Variants in TNXB observed in about 807,000 individuals in gnomAD.
TNXB encodes tenascin-X.
A neutral mutation model predicts 340.5 loss-of-function variants in TNXB; 183 were observed. The ratio of observed to expected loss-of-function variants is 0.54; its 90% CI spans 0.48 to 0.61. The LOEUF (loss-of-function observed/expected upper bound fraction) is 0.61. TNXB is among the 20% of genes least tolerant of loss of function. The pLI, the probability that TNXB is intolerant of heterozygous loss-of-function variation, is 0.00. For missense variants in TNXB, 4,613 were observed against 5,446.4 expected (o/e 0.85, Z 4.82); for synonymous variants, 2,121 against 2,314.5 (o/e 0.92, Z 2.40).
At position 32,070,234 on chromosome 6, in the gene TNXB, C is replaced by T. The variant is rs371138982; in HGVS notation, c.5171G>A (p.Arg1724His). 9.9e-6 allele frequency: 16 copies of T among 1,612,656 alleles called. No homozygotes were observed. Among genetic ancestry groups the T allele is most frequent in the African/African-American group, 9.3e-5 (7 of 74,870 alleles). The change falls in exon 14 of 44, where the codon CGC (arginine) becomes CAC (histidine). Residue 1724 changes from arginine to histidine, a missense_variant. Physicochemically the swap from Arg to His is conservative, Grantham distance 29. This residue lies in a region of TNXB where 4,327 missense variants were observed against 4,859.4 expected (regional missense o/e 0.89). Coordinates refer to ENST00000644971, the MANE Select transcript of TNXB (RefSeq NM_001365276.2). This position sits in a 1 kb window ranked among gnomAD's most constrained non-coding sequence, Gnocchi z 6.0. The stretch of plus-strand genomic sequence containing the variant: ...ATCCAGAGGGGTGACAGTGACAGAG[C>T]GCTCATGGCCCTCCACGGGCACCAC... ...PQVVPVEGHE[R>H]SVTVTPLDAG...
In TNXB at chr6:32,086,014, C is replaced by A; in HGVS notation, c.2884G>T (p.Glu962Ter). The change falls in exon 7 of 44, where the codon GAG (glutamate) becomes TAG (stop). Residue 962 changes from glutamate to a stop codon, truncating the protein, a stop_gained. Transcript: ENST00000644971. LOFTEE classifies it high-confidence loss of function. ...CCCAGCACCCTCAACTCTCCCAGCTCCTGGGGGCGCTGCTGCAGGAGAGGA... is the reference window on the plus strand; with the variant it reads ...CCCAGCACCCTCAACTCTCCCAGCTACTGGGGGCGCTGCTGCAGGAGAGGA... ...QAPLLQQRPQ[E>*]LGELRVLGRD... is the part of the protein sequence containing the mutation. 6.2e-7 allele frequency: 1 copy of A among 1,606,412 alleles called. No individual in the cohort carries two copies.
rs372158274 is a variant in TNXB, at chr6:32,096,247, C to T, written c.1606G>A (p.Gly536Ser). The T allele has an allele frequency of 4.5e-6, 7 of 1,568,152 alleles. No homozygotes were observed. The highest frequency in any genetic ancestry group is 4.7e-5 in the East Asian group (2 of 42,320). ...RRCPGDCRGHGLCEDGVCVCD... is the reference protein window; with the variant it reads ...RRCPGDCRGHSLCEDGVCVCD... ...ACGCACACGCCATCCTCGCAAAGGC[C>T]GTGCCCACGGCAGTCCCCGGGACAG... is the stretch of plus-strand genomic sequence containing the variant. The change falls in exon 3 of 44, where the codon GGC becomes AGC. Residue 536 changes from glycine (G) to serine (S), a missense_variant. Around this residue, in one of 7 missense-constraint regions of TNXB, gnomAD observed 4,327 missense variants for 4,859.4 expected, o/e 0.89. Transcript: ENST00000644971.
chr6:32,070,650 C>A lies in TNXB; in HGVS notation c.4991-236G>T, dbSNP rs1476094044. On this transcript the variant is annotated intron_variant, in intron 13 of 43. Coordinates refer to ENST00000644971, the MANE Select transcript of TNXB (RefSeq NM_001365276.2). This position sits in a 1 kb window ranked among gnomAD's most constrained non-coding sequence, Gnocchi z 6.0. ...GGAAAAGAGATTCCCTAGCTCCCTG[C>A]CTCATCTTACTCCCCTTTCTGTCCA... Among the ~76,000 whole-genome samples, 1 of 152,182 alleles carries A rather than the reference C, an allele frequency of 6.6e-6. No individual in the cohort carries two copies. Among genetic ancestry groups the A allele is most frequent in the Non-Finnish European group, 1.5e-5 (1 of 68,028 alleles).
In TNXB at chr6:32,048,006, T is replaced by A. The variant is rs1288711313; in HGVS notation, c.10052A>T (p.Asp3351Val). 1.9e-6 allele frequency: 3 copies of A among 1,602,678 alleles called. No homozygotes were observed. The East Asian group carries it at 6.7e-5, about 36-fold the overall frequency. ...PVPVEARTAP[D>V]TKPSPRLGEL... ...CCCCAGGCGGGGAGACGGTTTGGTG[T>A]CTGGGGCTGGAAAAGACAGTGAGGT... Residue 3351 changes from aspartate to valine, a missense_variant, in exon 30 of 44, where the codon GAC becomes GTC. Asp to Val is a radical substitution (Grantham distance 152). This residue lies in a region of TNXB where 4,327 missense variants were observed against 4,859.4 expected (regional missense o/e 0.89). Transcript: ENST00000644971.
In TNXB at chr6:32,075,188, C is replaced by A. The variant is rs994227252; in HGVS notation, c.4376-1236G>T. Reference sequence around the variant, plus strand: ...AGGTCATCGCCTTCTGCCCTCACCCCCCTTTAGTCTGTTGGGTCTGCAGCC... The same window carrying A: ...AGGTCATCGCCTTCTGCCCTCACCCACCTTTAGTCTGTTGGGTCTGCAGCC... On this transcript the variant is annotated intron_variant, in intron 11 of 43. Coordinates refer to ENST00000644971, the MANE Select transcript of TNXB (RefSeq NM_001365276.2). This position sits in a 1 kb window ranked among gnomAD's most constrained non-coding sequence, Gnocchi z 4.6. Among the ~76,000 whole-genome samples, 1 of 152,358 alleles carries A rather than the reference C, an allele frequency of 6.6e-6. No homozygotes were observed. The highest frequency in any genetic ancestry group is 6.5e-5 in the Admixed American group (1 of 15,308).
intron 26 of TNXB, among the ~76,000 whole-genome samples, chr6:32,050,856 C>T (rs1445489288): frequency 1.3e-5 from 2 of 152,158 alleles, no homozygotes; most frequent in Non-Finnish European, 2.9e-5. Context: ...CCACCAACTG[C>T]CTATTGGCTT....
Position 32,067,132 on chromosome 6 carries a change from G to GAAGGAAGGAAGGAAGAAAGAAAGAAAGA in TNXB, c.6544+528_6544+529insTCTTTCTTTCTTTCTTCCTTCCTTCCTT, listed in dbSNP as rs878879249. On this transcript the variant is annotated intron_variant, in intron 18 of 43. Coordinates refer to ENST00000644971, the MANE Select transcript of TNXB (RefSeq NM_001365276.2). The surrounding 1 kb of genome is among the most constrained non-coding windows in gnomAD (Gnocchi z 4.2). Reference sequence around the variant, plus strand: ...AAGAAAGAGAAAGAAAGAAAGGAAGGAAGAAAGAAAGAAAGAAAGAAAGAA... The same window carrying GAAGGAAGGAAGGAAGAAAGAAAGAAAGA: ...AAGAAAGAGAAAGAAAGAAAGGAAGGAAGGAAGGAAGGAAGAAAGAAAGAAAGAAAGAAAGAAAGAAAGAAAGAAAGAA... Among the ~76,000 whole-genome samples, 12 of 118,074 alleles carry GAAGGAAGGAAGGAAGAAAGAAAGAAAGA rather than the reference G, an allele frequency of 1.0e-4. No individual in the cohort carries two copies. Among genetic ancestry groups the GAAGGAAGGAAGGAAGAAAGAAAGAAAGA allele is most frequent in the African/African-American group, 3.6e-4 (11 of 30,500 alleles). 77.5% of individuals were successfully genotyped at this position (118,074 alleles called of 152,430 possible). A position where few individuals can be genotyped will look rare whatever the true frequency, so the allele number is the denominator to read the frequency against.
chr6:32,100,624 G>A (rs947941584), intron 1 of TNXB, among the ~76,000 whole-genome samples: 1 of 152,110 alleles, frequency 6.6e-6, no homozygotes, highest in Admixed American at 6.6e-5. Context: ...CTACTCAGGG[G>A]CTGAGGTGGG....
Position 32,042,529 on chromosome 6 carries a change from T to C in TNXB, c.12136A>G (p.Ile4046Val). 1.9e-6 allele frequency: 3 copies of C among 1,612,244 alleles called. No individual in the cohort carries two copies. The highest frequency in any genetic ancestry group is 2.5e-6 in the Non-Finnish European group (3 of 1,179,932). Residue 4046 changes from isoleucine to valine, a missense_variant, in exon 40 of 44, where the codon ATC becomes GTC. Ile to Val is a conservative substitution (Grantham distance 29, BLOSUM62 3). Around this residue, in one of 7 missense-constraint regions of TNXB, gnomAD observed 121 missense variants for 177.4 expected, o/e 0.68. Coordinates refer to ENST00000644971, the MANE Select transcript of TNXB (RefSeq NM_001365276.2). ...CGCTCGCGGTTGCCGTTGAGGAAGA[T>C]GGTGCTGGTCCTGGAGGCACCGGCT... ...NGAGASRTSTIFLNGNRERPL... is the reference protein window; with the variant it reads ...NGAGASRTSTVFLNGNRERPL...
Position 32,072,830 on chromosome 6 carries a change from A to C in TNXB, c.4682-532T>G, listed in dbSNP as rs1479311903. ...GCTGGGTGTGGTGGCACGTGCCCGT[A>C]ATCCCAGTTACTCGGGAGGCTGAGG... On this transcript the variant is annotated intron_variant, in intron 12 of 43. Transcript: ENST00000644971. This position sits in a 1 kb window ranked among gnomAD's most constrained non-coding sequence, Gnocchi z 4.4. Among the ~76,000 whole-genome samples the C allele has an allele frequency of 6.6e-6, 1 of 152,218 alleles. No homozygotes were observed. Among genetic ancestry groups the C allele is most frequent in the Non-Finnish European group, 1.5e-5 (1 of 68,040 alleles).
rs1778558800 is a variant in TNXB at position 32,068,696 on chromosome 6, C to T, written c.5914G>A (p.Glu1972Lys). 6.2e-6 allele frequency: 10 copies of T among 1,613,444 alleles called. No individual in the cohort carries two copies. The highest frequency in any genetic ancestry group is 1.3e-5 in the African/African-American group (1 of 75,040). ...GCGGTGGGAGGTTCTGAAGGCTTCT[C>T]CTCCTCCGGGACTGGACAGAGACAT... ...HVEALTVPEEEKPSEPPTATP... is the reference protein window; with the variant it reads ...HVEALTVPEEKKPSEPPTATP... The change falls in exon 17 of 44, where the codon GAG (glutamate) becomes AAG (lysine). Residue 1972 changes from glutamate (E) to lysine (K), a missense_variant. By Grantham distance (56) the Glu-to-Lys change is moderately conservative. Coordinates refer to ENST00000644971, the MANE Select transcript of TNXB (RefSeq NM_001365276.2). The surrounding 1 kb of genome is among the most constrained non-coding windows in gnomAD (Gnocchi z 5.3).
In TNXB at chr6:32,056,001, T is replaced by C. The variant is rs572852092; in HGVS notation, c.8317A>G (p.Arg2773Gly). 1.2e-6 allele frequency: 2 copies of C among 1,613,280 alleles called. No individual in the cohort carries two copies. The highest frequency in any genetic ancestry group is 2.2e-5 in the East Asian group (1 of 44,866). The change falls in exon 24 of 44, where the codon AGG becomes GGG. Residue 2773 changes from arginine to glycine, a missense_variant. Around this residue, in one of 7 missense-constraint regions of TNXB, gnomAD observed 4,327 missense variants for 4,859.4 expected, o/e 0.89. Coordinates refer to ENST00000644971, the MANE Select transcript of TNXB (RefSeq NM_001365276.2). ...FDSFTVQYKD[R>G]DGRPQVMRVR... Reference sequence around the variant, plus strand: ...CGCATCACCTGGGGCCGCCCGTCCCTGTCCTTGTACTGCACGGTGAAGGAG... The same window carrying C: ...CGCATCACCTGGGGCCGCCCGTCCCCGTCCTTGTACTGCACGGTGAAGGAG...
chr6:32,103,478 C>A (rs539365087), intron 1 of TNXB, among the ~76,000 whole-genome samples: 1 of 151,248 alleles, frequency 6.6e-6, no homozygotes, highest in East Asian at 1.9e-4. Flanking sequence ...CAATCTCACA[C>A]CCCCTCCAGC....
At chr6:32,088,161 C>G (rs1330906929) in intron 6 of TNXB, among the ~76,000 whole-genome samples, 2 of 152,190 alleles carry the variant, frequency 1.3e-5, no homozygotes, top group African/African-American at 4.8e-5. Flanking sequence ...TCCCGCAGCC[C>G]CCCCATTCCC....
chr6:32,094,453 T>C (rs958156090), intron 4 of TNXB, among the ~76,000 whole-genome samples: 20 of 152,298 alleles, frequency 1.3e-4, no homozygotes, highest in African/African-American at 4.8e-4. Flanking sequence ...GCTGCCTGCT[T>C]GTGTGACTAC....
chr6:32,079,093 G>A lies in TNXB; in HGVS notation c.4315C>T (p.His1439Tyr), dbSNP rs767222442. 1 of 1,613,668 alleles carries A rather than the reference G, an allele frequency of 6.2e-7. No individual in the cohort carries two copies. ...TGCCCCTCGTGGAGGCCGTACAGGT[G>A]CATCTTGTACTTGTGCCCGGGCTCT... is the stretch of plus-strand genomic sequence containing the variant. ...GLEPGHKYKM[H>Y]LYGLHEGQRV... The change falls in exon 11 of 44, where the codon CAC (histidine) becomes TAC (tyrosine). Residue 1439 changes from histidine to tyrosine, a missense_variant. Around this residue, in one of 7 missense-constraint regions of TNXB, gnomAD observed 4,327 missense variants for 4,859.4 expected, o/e 0.89. Transcript: ENST00000644971. The surrounding 1 kb of genome is among the most constrained non-coding windows in gnomAD (Gnocchi z 7.1).
Position 32,065,083 on chromosome 6 carries a change from T to C in TNXB, c.6579A>G (p.Ala2193=). The change falls in exon 19 of 44, where the codon GCA becomes GCG. Residue 2193 remains alanine, a synonymous_variant. Coordinates refer to ENST00000644971, the MANE Select transcript of TNXB (RefSeq NM_001365276.2). ...CTGTCATCTGCCCTAGGCGCAGCTT[T>C]GCAAGAGGAGCATCAGGGGACTCCT... The part of the protein sequence containing the change: ...PEEESPDAPL[A]KLRLGQMTVR... The C allele has an allele frequency of 6.3e-7, 1 of 1,592,770 alleles. No individual in the cohort carries two copies. The highest frequency in any genetic ancestry group is 1.1e-5 in the South Asian group (1 of 87,960).
chr6:32,053,222 C>G (rs1777403142), intron 25 of TNXB, among the ~76,000 whole-genome samples, 166 bp downstream of exon 25: 2 of 152,116 alleles, frequency 1.3e-5, no homozygotes, highest in Admixed American at 6.5e-5. Context: ...TCACAGGGCC[C>G]TTCTCCACCC....
Position 32,064,763 on chromosome 6 carries a change from A to G in TNXB, c.6841+58T>C. 1 of 1,574,778 alleles carries G rather than the reference A, an allele frequency of 6.4e-7. No homozygotes were observed. Among genetic ancestry groups the G allele is most frequent in the Non-Finnish European group, 8.6e-7 (1 of 1,159,914 alleles). Reference sequence around the variant, plus strand: ...AAAATAAAGCCACCAGATACTGACAATAAAAGGGAAACTGAGTCTAGTTCA... The same window carrying G: ...AAAATAAAGCCACCAGATACTGACAGTAAAAGGGAAACTGAGTCTAGTTCA... On this transcript the variant is annotated intron_variant, in intron 19 of 43. Coordinates refer to ENST00000644971, the MANE Select transcript of TNXB (RefSeq NM_001365276.2). This position sits in a 1 kb window ranked among gnomAD's most constrained non-coding sequence, Gnocchi z 5.3.
Sources: allele counts gnomAD v4.1 joint callset (sites outside exome capture counted in the v4.1 genomes callset), GRCh38; gene constraint gnomAD v4.1.1; regional missense constraint gnomAD v4.1.1; non-coding constraint Gnocchi (gnomAD v3.1); transcripts MANE v1.5; gene names NCBI Gene and HGNC (gene_info 2026-07-23, HGNC 2026-07-21).